Variants in SPEN observed in about 807,000 individuals in gnomAD.
SPEN encodes msx2-interacting protein.
SPEN carries 18 observed loss-of-function variants against 269.9 expected under a neutral mutation model. The ratio of observed to expected loss-of-function variants is 0.07; its 90% CI spans 0.05 to 0.10. The LOEUF (loss-of-function observed/expected upper bound fraction) is 0.10, where lower values mean the gene tolerates loss of function less well. Ranked by LOEUF, SPEN falls within the 10% of genes least tolerant of loss-of-function variation. SPEN has a pLI of 1.00. For missense variants in SPEN, 3,822 were observed against 4,631.2 expected (o/e 0.83, Z 5.07); for synonymous variants, 1,726 against 1,765.7 (o/e 0.98, Z 0.56).
chr1:15,893,474 T>C (rs1255528620), intron 3 of SPEN, among the ~76,000 whole-genome samples: 2 of 152,206 alleles, frequency 1.3e-5, no homozygotes, highest in African/African-American at 2.4e-5. Context: ...AGCCTGAGGT[T>C]TCTTACTGAG....
chr1:15,934,342 C>T lies in SPEN; in HGVS notation c.8102C>T (p.Thr2701Met), dbSNP rs1398982379. The T allele has an allele frequency of 2.5e-6, 4 of 1,613,648 alleles. No individual in the cohort carries two copies. The highest frequency in any genetic ancestry group is 2.5e-6 in the Non-Finnish European group (3 of 1,180,044). ...CTGAAAGGGCCTGTGAATGTTCTTA[C>T]GGGGCCAGTGAATGTTCTCACCACT... ...NVLKGPVNVL[T>M]GPVNVLTTPV... Residue 2701 changes from threonine to methionine, a missense_variant, in exon 11 of 15, where the codon ACG (threonine) becomes ATG (methionine). Coordinates refer to ENST00000375759, the MANE Select transcript of SPEN (RefSeq NM_015001.3). This position sits in a 1 kb window ranked among gnomAD's most constrained non-coding sequence, Gnocchi z 9.2.
At position 15,935,186 on chromosome 1, in the gene SPEN, C is replaced by T. The variant is rs201270310; in HGVS notation, c.8946C>T (p.Leu2982=). The T allele has an allele frequency of 3.1e-6, 5 of 1,613,928 alleles. No homozygotes were observed. Among genetic ancestry groups the T allele is most frequent in the African/African-American group, 2.7e-5 (2 of 74,920 alleles). ...VLQPANLGST[L]TPHHPPALPS... ...AGCCGGCCAACCTGGGGTCCACGCT[C>T]ACGCCCCACCACCCTCCTGCTCTGC... is the stretch of plus-strand genomic sequence containing the variant. Residue 2982 remains leucine, a synonymous_variant, in exon 11 of 15, where the codon CTC becomes CTT. Coordinates refer to ENST00000375759, the MANE Select transcript of SPEN (RefSeq NM_015001.3). The surrounding 1 kb of genome is among the most constrained non-coding windows in gnomAD (Gnocchi z 7.7).
intron 1 of SPEN, 82 bp from the exon 2 acceptor site, chr1:15,872,734 G>A (rs1394482329): frequency 9.0e-5 from 107 of 1,183,780 alleles, no homozygotes; most frequent in Non-Finnish European, 1.2e-4. Context: ...CATACATAAC[G>A]CAAATTGTCC....
chr1:15,889,802 C>T (rs926424193), intron 3 of SPEN, among the ~76,000 whole-genome samples: 1 of 152,126 alleles, frequency 6.6e-6, no homozygotes, highest in South Asian at 2.1e-4. Flanking sequence ...CAATCTCCAT[C>T]TCCCGGGTTC....
chr1:15,864,278 C>T (rs1255580764), intron 1 of SPEN, among the ~76,000 whole-genome samples: 5 of 151,548 alleles, frequency 3.3e-5, no homozygotes, highest in African/African-American at 9.7e-5. Flanking sequence ...AAGTGATTCT[C>T]GTGTCTCAGC....
At chr1:15,877,200 TC>T (rs1231490144) in intron 3 of SPEN, among the ~76,000 whole-genome samples, 1 of 152,182 alleles carries the variant, frequency 6.6e-6, no homozygotes, top group African/African-American at 2.4e-5. Flanking sequence ...TAGAAAAGCT[TC>T]CTTTGAATGC....
Position 15,934,786 on chromosome 1 carries a change from A to G in SPEN, c.8546A>G (p.Gln2849Arg), listed in dbSNP as rs1341919911. 3.1e-6 allele frequency: 5 copies of G among 1,614,072 alleles called. No individual in the cohort carries two copies. The highest frequency in any genetic ancestry group is 4.2e-6 in the Non-Finnish European group (5 of 1,180,042). The change falls in exon 11 of 15, where the codon CAG becomes CGG. Residue 2849 changes from glutamine (Q) to arginine (R), a missense_variant. Around this residue, in one of 16 missense-constraint regions of SPEN, gnomAD observed 329 missense variants for 431.2 expected, o/e 0.76. Coordinates refer to ENST00000375759, the MANE Select transcript of SPEN (RefSeq NM_015001.3). The surrounding 1 kb of genome is among the most constrained non-coding windows in gnomAD (Gnocchi z 9.2). ...AGTGCAATGGACATTGAATTTCAGC[A>G]GTCAGTGTCCAAGTCCCAGGTCAAA... is the stretch of plus-strand genomic sequence containing the variant. ...PASAMDIEFQ[Q>R]SVSKSQVKPD... is the part of the protein sequence containing the mutation.
chr1:15,928,182 C>A lies in SPEN; in HGVS notation c.1942C>A (p.Arg648=), dbSNP rs1225492898. ...AGGCACTTATCCTGAGGATTCCAGG[C>A]GGGACTATCCAGCTCGAGGGAGAGA... The part of the protein sequence containing the change: ...TPGTYPEDSR[R]DYPARGREFY... Residue 648 remains arginine (R), a synonymous_variant, in exon 11 of 15, where the codon CGG becomes AGG. Transcript: ENST00000375759. This position sits in a 1 kb window ranked among gnomAD's most constrained non-coding sequence, Gnocchi z 5.7. 6.2e-7 allele frequency: 1 copy of A among 1,614,072 alleles called. No homozygotes were observed. Among genetic ancestry groups the A allele is most frequent in the South Asian group, 1.1e-5 (1 of 91,072 alleles).
intron 3 of SPEN, among the ~76,000 whole-genome samples, chr1:15,905,558 G>C (rs1373815192): frequency 6.6e-6 from 1 of 150,458 alleles, no homozygotes; most frequent in African/African-American, 2.4e-5. Flanking sequence ...AGAACTTTTT[G>C]TTGCCTTATT....
Position 15,933,289 on chromosome 1 carries a change from C to T in SPEN, c.7049C>T (p.Ala2350Val). Residue 2350 changes from alanine (A) to valine (V), a missense_variant, in exon 11 of 15, where the codon GCT becomes GTT. This residue lies in a region of SPEN where 727 missense variants were observed against 737.9 expected (regional missense o/e 0.99). Coordinates refer to ENST00000375759, the MANE Select transcript of SPEN (RefSeq NM_015001.3). This position sits in a 1 kb window ranked among gnomAD's most constrained non-coding sequence, Gnocchi z 5.7. ...RKRNTNKKVV[A>V]PVESHVPESN... ...CGAAACACAAACAAGAAAGTGGTGG[C>T]TCCTGTAGAGAGCCATGTCCCTGAA... 6.2e-7 allele frequency: 1 copy of T among 1,614,116 alleles called. No homozygotes were observed. The highest frequency in any genetic ancestry group is 2.2e-5 in the East Asian group (1 of 44,878).
chr1:15,891,640 G>A (rs2070790117), intron 3 of SPEN, among the ~76,000 whole-genome samples: 4 of 151,788 alleles, frequency 2.6e-5, no homozygotes, highest in African/African-American at 4.8e-5. Context: ...TTGAGCCACC[G>A]CGCCCGGCCT....
rs893896293 is a variant in SPEN at position 15,928,485 on chromosome 1, A to G, written c.2245A>G (p.Ser749Gly). Residue 749 changes from serine (S) to glycine (G), a missense_variant, in exon 11 of 15, where the codon AGT becomes GGT. By Grantham distance (56) the Ser-to-Gly change is moderately conservative. Coordinates refer to ENST00000375759, the MANE Select transcript of SPEN (RefSeq NM_015001.3). This position sits in a 1 kb window ranked among gnomAD's most constrained non-coding sequence, Gnocchi z 5.7. ...ASPSQAERLP[S>G]DSERRLYSRS... Reference sequence around the variant, plus strand: ...TCCCTCTCAGGCAGAGAGGTTGCCGAGTGATTCTGAGAGGAGGCTTTACAG... The same window carrying G: ...TCCCTCTCAGGCAGAGAGGTTGCCGGGTGATTCTGAGAGGAGGCTTTACAG... The G allele has an allele frequency of 6.2e-7, 1 of 1,613,958 alleles. No individual in the cohort carries two copies. The highest frequency in any genetic ancestry group is 8.5e-7 in the Non-Finnish European group (1 of 1,180,032).
At chr1:15,870,034 A>G (rs1219864365) in intron 1 of SPEN, among the ~76,000 whole-genome samples, 2 of 151,782 alleles carry the variant, frequency 1.3e-5, no homozygotes, top group African/African-American at 2.4e-5. Context: ...ATGCCTGGCT[A>G]ATTTTTGTAT....
intron 1 of SPEN, among the ~76,000 whole-genome samples, chr1:15,867,541 A>T (rs1375934163): frequency 2.0e-5 from 3 of 151,840 alleles, no homozygotes; most frequent in Non-Finnish European, 4.4e-5. Flanking sequence ...GGCCATTTAG[A>T]TTGTTTCTCA....
chr1:15,916,109 G>T lies in SPEN; in HGVS notation c.1244-19G>T. 6.3e-7 allele frequency: 1 copy of T among 1,596,910 alleles called. No homozygotes were observed. The highest frequency in any genetic ancestry group is 1.1e-5 in the South Asian group (1 of 87,868). ...AAATACTGTCTTCTCTTTTTACTCG[G>T]CCCCCATTCCACTTACAGAAACAGA... On this transcript the variant is annotated intron_variant, in intron 5 of 14. Transcript: ENST00000375759.
Position 15,928,888 on chromosome 1 carries a change from T to TGAAAGA in SPEN, c.2656_2661dup (p.Lys886_Glu887dup). The TGAAAGA allele has an allele frequency of 6.2e-7, 1 of 1,613,496 alleles. No homozygotes were observed. On this transcript the variant is annotated inframe_insertion, in exon 11 of 15. Transcript: ENST00000375759. The surrounding 1 kb of genome is among the most constrained non-coding windows in gnomAD (Gnocchi z 5.7). The stretch of plus-strand genomic sequence containing the variant: ...ATGCCTTGCGTGGTTTTGACTCGAG[T>TGAAAGA]GAAAGAGAAAGAGGGAAAGGTCATT...
intron 1 of SPEN, among the ~76,000 whole-genome samples, chr1:15,852,343 A>G (rs1199354649): frequency 6.6e-6 from 1 of 152,184 alleles, no homozygotes; most frequent in Non-Finnish European, 1.5e-5. Context: ...CTGATTTCCA[A>G]TATCTATTTG....
chr1:15,888,211 C>T (rs1057162238), intron 3 of SPEN, among the ~76,000 whole-genome samples: 1 of 149,716 alleles, frequency 6.7e-6, no homozygotes, highest in Non-Finnish European at 1.5e-5. Context: ...TGGGTTCAAG[C>T]GATTCTCTTG....
chr1:15,857,604 G>T (rs868452731), intron 1 of SPEN, among the ~76,000 whole-genome samples: 2 of 152,056 alleles, frequency 1.3e-5, no homozygotes, highest in African/African-American at 4.8e-5. Context: ...TGATCTGCCT[G>T]CCTCAGCCTC....
Sources: allele counts gnomAD v4.1 joint callset (sites outside exome capture counted in the v4.1 genomes callset), GRCh38; gene constraint gnomAD v4.1.1; regional missense constraint gnomAD v4.1.1; non-coding constraint Gnocchi (gnomAD v3.1); transcripts MANE v1.5; gene names NCBI Gene and HGNC (gene_info 2026-07-23, HGNC 2026-07-21).